The following RHCE variants were observed in gnomAD, a reference collection of about 807,000 sequenced individuals.
RHCE encodes Rh blood group CcEe antigens.
Under a neutral mutation model 43.8 loss-of-function variants are expected in RHCE, and 22 were observed. That is an observed-to-expected ratio of 0.50 (90% CI 0.36 to 0.72). RHCE has a LOEUF of 0.72. Ranked by LOEUF, RHCE falls within the 30% of genes least tolerant of loss-of-function variation. The pLI is 0.00. For missense variants in RHCE, 385 were observed against 525.4 expected, an observed-to-expected ratio of 0.73 and a Z score of 2.61; for synonymous variants, 156 against 210.7, an observed-to-expected ratio of 0.74 and a Z score of 2.25.
Position 25,388,983 on chromosome 1 carries a change from C to T in RHCE, c.932G>A (p.Cys311Tyr), listed in dbSNP as rs1132766. The T allele has an allele frequency of 1.2e-5, 20 of 1,614,184 alleles. No homozygotes were observed. The highest frequency in any genetic ancestry group is 8.9e-5 in the East Asian group (4 of 44,884). The change falls in exon 6 of 10, where the codon TGC becomes TAC. Residue 311 changes from cysteine to tyrosine, a missense_variant. Physicochemically the swap from Cys to Tyr is radical, Grantham distance 194. Transcript: ENST00000294413. ...AGTTGTCTAGTTTCTTACCGGCAGG[C>T]ACTTGGCTCCCCCGATGGAGATCAG... is the stretch of plus-strand genomic sequence containing the variant. ...AGLISIGGAK[C>Y]LPVCCNRVLG...
At chr1:25,412,688 C>G (rs991755280) in intron 1 of RHCE, among the ~76,000 whole-genome samples, 1 of 139,932 alleles carries the variant, frequency 7.1e-6, no homozygotes, top group Non-Finnish European at 1.5e-5. Context: ...CTCCAGCAGC[C>G]TAGGCGACAG....
chr1:25,385,928 G>A lies in RHCE; in HGVS notation c.940-84C>T, dbSNP rs1173621513. On this transcript the variant is annotated intron_variant, in intron 6 of 9. Coordinates refer to ENST00000294413, the MANE Select transcript of RHCE (RefSeq NM_020485.8). ...CCCTTTCACACACCCTTGGTATCCG[G>A]CGCCACCAAATGGGGATGGGCACTA... 7 of 1,607,030 alleles carry A rather than the reference G, an allele frequency of 4.4e-6. No individual in the cohort carries two copies. In the African/African-American group the frequency reaches 9.4e-5, roughly 22 times the overall value.
At chr1:25,420,866 G>A, upstream of RHCE, 5 of 1,559,084 alleles carry the variant, frequency 3.2e-6, no homozygotes, top group Non-Finnish European at 4.4e-6. Context: ...GGGCTTGAGG[G>A]AGCGATAGGG....
intron 3 of RHCE, among the ~76,000 whole-genome samples, chr1:25,396,787 T>A (rs1490388258): frequency 6.6e-6 from 1 of 151,860 alleles, no homozygotes; most frequent in South Asian, 2.1e-4. Flanking sequence ...CGAGATGAGA[T>A]TGGAGGGGGA....
chr1:25,397,691 A>G (rs1195474395), intron 3 of RHCE, among the ~76,000 whole-genome samples: 1 of 151,602 alleles, frequency 6.6e-6, no homozygotes, highest in African/African-American at 2.4e-5. Context: ...TCATTCTTCC[A>G]CAAATGATCT....
chr1:25,407,180 C>T lies in RHCE; in HGVS notation c.335+1503G>A, dbSNP rs1215192424. Among the ~76,000 whole-genome samples, 32 of 123,086 alleles carry T rather than the reference C, an allele frequency of 2.6e-4. 4 individuals carry two copies. Among genetic ancestry groups the T allele is most frequent in the African/African-American group, 7.6e-4 (30 of 39,730 alleles). The allele number at this position is 123,086 out of a possible 152,430, so 80.7% of individuals were successfully genotyped here. A position where few individuals can be genotyped will look rare whatever the true frequency, so the allele number is the denominator to read the frequency against. On this transcript the variant is annotated intron_variant, in intron 2 of 9. Transcript: ENST00000294413. Reference sequence around the variant, plus strand: ...TCAAGTGATCTGCCCACCTCAGCTCCCAAAAGTACTGGGATTACAGGCGTG... The same window carrying T: ...TCAAGTGATCTGCCCACCTCAGCTCTCAAAAGTACTGGGATTACAGGCGTG...
At chr1:25,428,204 A>T (rs2042819325) in intron 2 of RHCE, among the ~76,000 whole-genome samples, 1 of 152,186 alleles carries the variant, frequency 6.6e-6, no homozygotes, top group Non-Finnish European at 1.5e-5. Flanking sequence ...TTACTCATCT[A>T]ACCATCCCAC....
chr1:25,405,028 A>T (rs1646870818), intron 2 of RHCE, among the ~76,000 whole-genome samples: 1 of 148,700 alleles, frequency 6.7e-6, no homozygotes, highest in African/African-American at 2.6e-5. Flanking sequence ...CCATCTCTAC[A>T]AAAAGCAAAA....
At chr1:25,420,506 C>T (rs928117324) in intron 1 of RHCE, 133 bp downstream of exon 1, 24 of 1,569,636 alleles carry the variant, frequency 1.5e-5, no homozygotes, top group Non-Finnish European at 2.1e-5. Flanking sequence ...GTGCAATCTA[C>T]GGAAGAAGAT....
intron 7 of RHCE, among the ~76,000 whole-genome samples, chr1:25,379,541 A>ATCATCCAG (rs1645930342): frequency 8.3e-6 from 1 of 121,072 alleles, no homozygotes; most frequent in Non-Finnish European, 1.7e-5. Context: ...ATTTTGCTCT[A>ATCATCCAG]TCATCCAGGC....
intron 1 of RHCE, among the ~76,000 whole-genome samples, chr1:25,411,070 C>T (rs559938890): frequency 3.3e-5 from 5 of 151,490 alleles, no homozygotes; most frequent in South Asian, 2.1e-4. Context: ...CCAGCCTGGG[C>T]GACACAGTGA....
intron 2 of RHCE, among the ~76,000 whole-genome samples, chr1:25,405,059 C>G (rs2986149): frequency 1.5e-4 from 22 of 145,992 alleles, no homozygotes; most frequent in African/African-American, 4.4e-4. Context: ...AAAAGCTAGG[C>G]GTGGTGGTGT....
In RHCE at chr1:25,393,641, G is replaced by A. The variant is rs111700256; in HGVS notation, c.487-1500C>T. On this transcript the variant is annotated intron_variant, in intron 3 of 9. Transcript: ENST00000294413. ...GTCAAATAAATAAATAAAATAAAAT[G>A]CAAGTCAGATCATGTTACTCCTCTG... 4.8e-3 allele frequency among the ~76,000 whole-genome samples: 721 copies of A among 151,706 alleles called. 5 individuals carry two copies. The highest frequency in any genetic ancestry group is 0.017 in the African/African-American group (687 of 41,256).
intron 1 of RHCE, among the ~76,000 whole-genome samples, chr1:25,417,345 G>A (rs1647623350): frequency 6.6e-6 from 1 of 152,090 alleles, no homozygotes; most frequent in South Asian, 2.1e-4. Context: ...AGTTACCTAA[G>A]TTTAACTCAA....
At position 25,373,819 on chromosome 1, in the gene RHCE, G is replaced by C. The variant is rs114580862; in HGVS notation, c.1153+1530C>G. Among the ~76,000 whole-genome samples the C allele has an allele frequency of 1.9e-3, 293 of 150,626 alleles. 2 individuals carry two copies. Among genetic ancestry groups the C allele is most frequent in the Non-Finnish European group, 1.7e-3 (114 of 67,882 alleles). On this transcript the variant is annotated intron_variant, in intron 8 of 9. Coordinates refer to ENST00000294413, the MANE Select transcript of RHCE (RefSeq NM_020485.8). ...CTTGTAGAATAACAAGTTCTGGATG[G>C]AATGTATATTTTCTTTCTTTTTTTT...
upstream of RHCE, among the ~76,000 whole-genome samples, chr1:25,422,277 CAT>C (rs1403362355): frequency 6.6e-6 from 1 of 152,126 alleles, no homozygotes; most frequent in Non-Finnish European, 1.5e-5. Flanking sequence ...TGGTTCTGAA[CAT>C]ATGCAGGAAA....
At chr1:25,397,326 G>A (rs1190523673) in intron 3 of RHCE, among the ~76,000 whole-genome samples, 18 of 149,752 alleles carry the variant, frequency 1.2e-4, no homozygotes, top group East Asian at 6.0e-4. Context: ...GCAAAACTCC[G>A]TCTCTACTAA....
intron 2 of RHCE, among the ~76,000 whole-genome samples, chr1:25,407,189 C>T (rs1646946920): frequency 8.1e-6 from 1 of 123,374 alleles, no homozygotes; most frequent in African/African-American, 2.5e-5. Flanking sequence ...CCCAAAAGTA[C>T]TGGGATTACA....
In RHCE at chr1:25,411,214, C is replaced by T. The variant is rs150558551; in HGVS notation, c.149-2345G>A. 1.4e-5 allele frequency: 17 copies of T among 1,232,738 alleles called. No individual in the cohort carries two copies. In the East Asian group the frequency reaches 4.0e-4, roughly 29 times the overall value. 76.4% of individuals were successfully genotyped at this position (1,232,738 alleles called of 1,614,324 possible). ...AACAGAATAAGGGTAATTAGAGCCA[C>T]CTGAGAGGTTTCTGGGACATCCGAA... On this transcript the variant is annotated intron_variant, in intron 1 of 9. Coordinates refer to ENST00000294413, the MANE Select transcript of RHCE (RefSeq NM_020485.8).
Sources: gnomAD v4.1 joint callset for allele counts (sites outside exome capture counted in the v4.1 genomes callset) on GRCh38, gnomAD v4.1.1 for gene constraint, MANE v1.5 for transcripts, NCBI Gene and HGNC (gene_info 2026-07-23, HGNC 2026-07-21) for gene names.